RBFOX1: variants seen among roughly 807,000 people sequenced by gnomAD.
The protein encoded by RBFOX1 is RNA binding fox-1 homolog 1.
RBFOX1 carries 8 observed loss-of-function variants against 57.7 expected under a neutral mutation model. The ratio of observed to expected loss-of-function variants is 0.14; its 90% CI spans 0.08 to 0.25. The LOEUF (loss-of-function observed/expected upper bound fraction) is 0.25, where lower values mean the gene tolerates loss of function less well. RBFOX1 is among the 10% of genes least tolerant of loss of function. The pLI, the probability that RBFOX1 is intolerant of heterozygous loss-of-function variation, is 1.00. For missense variants in RBFOX1, 611 were observed against 548.5 expected, an observed-to-expected ratio of 1.11 and a Z score of -1.14; for synonymous variants, 326 against 222.4, an observed-to-expected ratio of 1.47 and a Z score of -4.15.
chr16:5,471,114 G>A (rs1261448466), intron 2 of RBFOX1, among the ~76,000 whole-genome samples: 2 of 152,158 alleles, frequency 1.3e-5, no homozygotes, highest in African/African-American at 2.4e-5. Flanking sequence ...GATTGCAGGC[G>A]TGAGCCACTG....
intron 4 of RBFOX1, among the ~76,000 whole-genome samples, chr16:7,231,296 A>T (rs980399980): frequency 6.6e-6 from 1 of 152,276 alleles, no homozygotes; most frequent in African/African-American, 2.4e-5. Context: ...CCATGTGTTT[A>T]TCCTTAAACC....
intron 3 of RBFOX1, among the ~76,000 whole-genome samples, chr16:6,830,487 A>C (rs563016745): frequency 6.6e-6 from 1 of 152,166 alleles, no homozygotes; most frequent in Non-Finnish European, 1.5e-5. Flanking sequence ...AGCATCCTCT[A>C]TGCCAGGAGT....
chr16:7,638,623 G>A (rs1406714862), intron 11 of RBFOX1, among the ~76,000 whole-genome samples: 2 of 151,834 alleles, frequency 1.3e-5, no homozygotes, highest in African/African-American at 4.8e-5. Context: ...TCTGTAAAAG[G>A]CTGGATGTTA....
At chr16:6,924,829 C>T (rs2075232112) in intron 3 of RBFOX1, among the ~76,000 whole-genome samples, 1 of 74,638 alleles carries the variant, frequency 1.3e-5, no homozygotes, top group South Asian at 5.8e-4. Flanking sequence ...TATCCCTCCC[C>T]CCTCCCCCTC....
chr16:6,527,589 A>G (rs1013259555), intron 2 of RBFOX1, among the ~76,000 whole-genome samples: 2 of 152,148 alleles, frequency 1.3e-5, no homozygotes, highest in African/African-American at 4.8e-5. Flanking sequence ...AGGACCCTCT[A>G]AATTGTAATT....
upstream of RBFOX1, among the ~76,000 whole-genome samples, chr16:6,014,602 A>G (rs1414262285): frequency 6.6e-6 from 1 of 152,150 alleles, no homozygotes; most frequent in Non-Finnish European, 1.5e-5. Flanking sequence ...GGTGCAATCC[A>G]TTCCCCTGTG....
chr16:6,495,793 A>G (rs1015168298), intron 2 of RBFOX1, among the ~76,000 whole-genome samples: 5 of 152,162 alleles, frequency 3.3e-5, no homozygotes, highest in Non-Finnish European at 5.9e-5. Flanking sequence ...CTCCTATGGC[A>G]AACTCAACAC....
intron 3 of RBFOX1, among the ~76,000 whole-genome samples, chr16:6,702,075 C>T (rs1185141549): frequency 6.6e-6 from 1 of 152,154 alleles, no homozygotes; most frequent in Non-Finnish European, 1.5e-5. Context: ...CAAACCTGCA[C>T]ATGTACCCCT....
chr16:7,393,345 G>T (rs576443892), intron 4 of RBFOX1, among the ~76,000 whole-genome samples: 6 of 152,154 alleles, frequency 3.9e-5, no homozygotes, highest in Admixed American at 6.5e-5. Context: ...GTCACTTCTT[G>T]CTCACCTCTG....
chr16:6,033,381 A>T (rs1186291222), intron 1 of RBFOX1, among the ~76,000 whole-genome samples: 1 of 152,230 alleles, frequency 6.6e-6, no homozygotes, highest in Non-Finnish European at 1.5e-5. Context: ...TGCAGAGAAA[A>T]ATAAATCTCT....
chr16:7,224,945 T>A (rs2092997923), intron 4 of RBFOX1, among the ~76,000 whole-genome samples: 1 of 152,030 alleles, frequency 6.6e-6, no homozygotes. Context: ...ATGAGGAGGG[T>A]GATAAGAGTG....
intron 2 of RBFOX1, among the ~76,000 whole-genome samples, chr16:6,342,833 T>C (rs1599839218): frequency 6.6e-6 from 1 of 152,192 alleles, no homozygotes; most frequent in Non-Finnish European, 1.5e-5. Flanking sequence ...CCTTGACATT[T>C]TGTATTCATT....
chr16:6,880,523 C>G (rs970834243), intron 3 of RBFOX1, among the ~76,000 whole-genome samples: 3 of 152,188 alleles, frequency 2.0e-5, no homozygotes, highest in Non-Finnish European at 4.4e-5. Flanking sequence ...TTCCTGGAAC[C>G]TTGCTAGTCA....
chr16:7,007,572 G>C (rs1259736692), intron 3 of RBFOX1, among the ~76,000 whole-genome samples: 1 of 152,158 alleles, frequency 6.6e-6, no homozygotes, highest in Non-Finnish European at 1.5e-5. Context: ...ACTGTACATT[G>C]TTAAACACCC....
intron 13 of RBFOX1, among the ~76,000 whole-genome samples, chr16:7,675,011 C>G (rs147647206): frequency 6.6e-6 from 1 of 152,274 alleles, no homozygotes; most frequent in Non-Finnish European, 1.5e-5. Context: ...CAGAGAGAAA[C>G]ACATTCATAC....
intron 2 of RBFOX1, among the ~76,000 whole-genome samples, chr16:6,333,982 T>C (rs953496586): frequency 3.3e-5 from 5 of 152,152 alleles, no homozygotes; most frequent in Admixed American, 6.5e-5. Flanking sequence ...AAATTATTTC[T>C]TTTTTGGTGG....
intron 2 of RBFOX1, among the ~76,000 whole-genome samples, chr16:6,593,090 G>A (rs950141107): frequency 6.6e-6 from 1 of 152,198 alleles, no homozygotes; most frequent in Non-Finnish European, 1.5e-5. Flanking sequence ...TACTTGGGAT[G>A]CTGAGGCAGG....
intron 2 of RBFOX1, among the ~76,000 whole-genome samples, chr16:5,546,914 G>C (rs1287657877): frequency 5.9e-5 from 9 of 152,046 alleles, no homozygotes; most frequent in African/African-American, 1.9e-4. Flanking sequence ...TCGATAATAA[G>C]ACAATACCCA....
chr16:5,394,766 C>T (rs1193033925), intron 1 of RBFOX1, among the ~76,000 whole-genome samples: 1 of 152,092 alleles, frequency 6.6e-6, no homozygotes, highest in East Asian at 1.9e-4. Context: ...CCAGGCTGGT[C>T]TTGAACTCCC....
Sources: allele counts gnomAD v4.1 joint callset (sites outside exome capture counted in the v4.1 genomes callset), GRCh38; gene constraint gnomAD v4.1.1; transcripts MANE v1.5; gene names NCBI Gene and HGNC (gene_info 2026-07-23, HGNC 2026-07-21).